The following CNTNAP5 variants were observed in gnomAD, a reference collection of about 807,000 sequenced individuals.
The protein encoded by CNTNAP5 is contactin associated protein family member 5.
Under a neutral mutation model 150.2 loss-of-function variants are expected in CNTNAP5, and 72 were observed. The observed-to-expected ratio is 0.48, with a 90% CI of 0.40 to 0.58. The LOEUF is 0.58. CNTNAP5 is among the 20% of genes least tolerant of loss of function. The probability of loss-of-function intolerance (pLI) is 0.00; values close to 1 mark genes in which losing one functional copy is unlikely to be tolerated. For missense variants in CNTNAP5, 1,636 were observed against 1,626.2 expected, an observed-to-expected ratio of 1.01 and a Z score of -0.10; for synonymous variants, 672 against 619.8, an observed-to-expected ratio of 1.08 and a Z score of -1.25.
At chr2:124,419,901 T>C (rs1202841106) in intron 4 of CNTNAP5, among the ~76,000 whole-genome samples, 1 of 83,730 alleles carries the variant, frequency 1.2e-5, no homozygotes, top group African/African-American at 5.9e-5. Flanking sequence ...ATTGGTTTTC[T>C]TTCTTTCTTT....
chr2:124,881,604 A>G (rs913133305), intron 21 of CNTNAP5, among the ~76,000 whole-genome samples: 1 of 151,902 alleles, frequency 6.6e-6, no homozygotes, highest in African/African-American at 2.4e-5. Context: ...GAACAGGGGG[A>G]AGAGAAGTGG....
chr2:124,548,703 C>G (rs1195147648), intron 10 of CNTNAP5, among the ~76,000 whole-genome samples: 3 of 151,812 alleles, frequency 2.0e-5, no homozygotes, highest in Admixed American at 1.3e-4. Flanking sequence ...TGTCACAAAA[C>G]CATCTGCAAG....
intron 12 of CNTNAP5, among the ~76,000 whole-genome samples, chr2:124,643,609 C>A (rs1678140446): frequency 2.0e-5 from 3 of 152,150 alleles, no homozygotes; most frequent in African/African-American, 7.2e-5. Context: ...CCATCGCAGT[C>A]CTCTAAGGAA....
intron 3 of CNTNAP5, among the ~76,000 whole-genome samples, chr2:124,312,834 T>C (rs1414155367): frequency 6.6e-6 from 1 of 152,126 alleles, no homozygotes; most frequent in Non-Finnish European, 1.5e-5. Context: ...CCTCCCAAAG[T>C]GCTGGGATTA....
chr2:124,652,859 CTT>C (rs1402701875), intron 13 of CNTNAP5, among the ~76,000 whole-genome samples: 19 of 152,202 alleles, frequency 1.2e-4, no homozygotes, highest in Non-Finnish European at 2.5e-4. Flanking sequence ...TGGAAACCCT[CTT>C]CAGTAAAGCT....
At chr2:124,812,329 T>A (rs1000176453) in intron 19 of CNTNAP5, among the ~76,000 whole-genome samples, 2 of 150,316 alleles carry the variant, frequency 1.3e-5, no homozygotes, top group African/African-American at 4.9e-5. Context: ...AGCACACATA[T>A]GGAAACCAAA....
intron 7 of CNTNAP5, among the ~76,000 whole-genome samples, chr2:124,487,871 A>G (rs1693926078): frequency 6.6e-6 from 1 of 152,054 alleles, no homozygotes; most frequent in Admixed American, 6.6e-5. Flanking sequence ...ATTTGGGTAA[A>G]ACTTCCAGCT....
At chr2:124,279,664 A>G (rs1450699325) in intron 3 of CNTNAP5, among the ~76,000 whole-genome samples, 1 of 152,174 alleles carries the variant, frequency 6.6e-6, no homozygotes, top group African/African-American at 2.4e-5. Flanking sequence ...GGAATGATGC[A>G]TATTGACTCA....
intron 19 of CNTNAP5, among the ~76,000 whole-genome samples, chr2:124,856,004 G>T (rs1284167344): frequency 6.6e-6 from 1 of 151,920 alleles, no homozygotes; most frequent in African/African-American, 2.4e-5. Flanking sequence ...TAGAATAAGG[G>T]TCTCCAGTTC....
chr2:124,674,122 A>G (rs1678879074), intron 13 of CNTNAP5, among the ~76,000 whole-genome samples: 2 of 152,064 alleles, frequency 1.3e-5, no homozygotes, highest in African/African-American at 2.4e-5. Context: ...TTCTTGCTCA[A>G]TCAAGCTAAA....
intron 19 of CNTNAP5, among the ~76,000 whole-genome samples, chr2:124,825,418 C>T (rs1449843321): frequency 6.6e-6 from 1 of 152,134 alleles, no homozygotes; most frequent in Admixed American, 6.5e-5. Context: ...ACTGACTCTC[C>T]CTCAAGAAGG....
chr2:124,547,776 G>T (rs962914128), intron 10 of CNTNAP5, among the ~76,000 whole-genome samples: 6 of 152,180 alleles, frequency 3.9e-5, no homozygotes, highest in African/African-American at 1.4e-4. Flanking sequence ...GCAATTGGCC[G>T]CCACAATTCC....
chr2:124,660,981 T>C (rs1678577332), intron 13 of CNTNAP5, among the ~76,000 whole-genome samples: 1 of 151,180 alleles, frequency 6.6e-6, no homozygotes, highest in African/African-American at 2.4e-5. Context: ...AAAAAAAATT[T>C]ACGCTGTGTA....
At chr2:124,217,933 C>A (rs1316363351) in intron 1 of CNTNAP5, among the ~76,000 whole-genome samples, 1 of 152,066 alleles carries the variant, frequency 6.6e-6, no homozygotes, top group Non-Finnish European at 1.5e-5. Context: ...TAGCTGGAAT[C>A]ATCCAATCAA....
At chr2:124,345,426 A>C (rs1037271252) in intron 3 of CNTNAP5, among the ~76,000 whole-genome samples, 1 of 152,186 alleles carries the variant, frequency 6.6e-6, no homozygotes. Flanking sequence ...CAGCAAGCTC[A>C]TTATCAGTTG....
At chr2:124,715,675 A>G (rs992649204) in intron 13 of CNTNAP5, among the ~76,000 whole-genome samples, 5 of 152,144 alleles carry the variant, frequency 3.3e-5, no homozygotes, top group Non-Finnish European at 5.9e-5. Context: ...TTCCATTTAT[A>G]TACCATTGAT....
rs532726714 is a variant in CNTNAP5, at chr2:124,043,212, T to A, written c.82+17480T>A. Among the ~76,000 whole-genome samples, 3 of 152,318 alleles carry A rather than the reference T, an allele frequency of 2.0e-5. No individual in the cohort carries two copies. The South Asian group carries it at 6.2e-4, about 32-fold the overall frequency. On this transcript the variant is annotated intron_variant, in intron 1 of 23. Transcript: ENST00000682447. Reference sequence around the variant, plus strand: ...ATGTAGTCCAGCCTACCCTGCATAATGTATATAGATCACCACATTCCCTAA... The same window carrying A: ...ATGTAGTCCAGCCTACCCTGCATAAAGTATATAGATCACCACATTCCCTAA...
intron 1 of CNTNAP5, among the ~76,000 whole-genome samples, chr2:124,067,553 G>A (rs773372252): frequency 3.9e-5 from 6 of 152,082 alleles, no homozygotes; most frequent in Admixed American, 3.3e-4. Context: ...TCAATATCTT[G>A]CAATCGCATC....
chr2:124,664,139 A>G (rs1189493030), intron 13 of CNTNAP5, among the ~76,000 whole-genome samples: 3 of 152,138 alleles, frequency 2.0e-5, no homozygotes, highest in Non-Finnish European at 4.4e-5. Context: ...TACTTTGAAG[A>G]CAATAATTGG....
Sources: allele counts gnomAD v4.1 joint callset (sites outside exome capture counted in the v4.1 genomes callset), GRCh38; gene constraint gnomAD v4.1.1; transcripts MANE v1.5; gene names NCBI Gene and HGNC (gene_info 2026-07-23, HGNC 2026-07-21).